The following CCDC6 variants were observed in gnomAD, a reference collection of about 807,000 sequenced individuals.
CCDC6 encodes coiled-coil domain containing 6, also known as coiled-coil domain-containing protein 6.
CCDC6 carries 20 observed loss-of-function variants against 56.6 expected under a neutral mutation model. The ratio of observed to expected loss-of-function variants is 0.35; its 90% CI spans 0.25 to 0.51. The LOEUF (loss-of-function observed/expected upper bound fraction) is 0.51. Among genes scored for constraint, CCDC6 ranks in the 20% least tolerant of loss-of-function variants. The pLI is 0.95. For missense variants in CCDC6, 367 were observed against 601.1 expected (o/e 0.61, Z 4.07); for synonymous variants, 241 against 234.4 (o/e 1.03, Z -0.26).
At chr10:59,866,942 T>C (rs2071182706) in intron 1 of CCDC6, among the ~76,000 whole-genome samples, 1 of 152,194 alleles carries the variant, frequency 6.6e-6, no homozygotes, top group Admixed American at 6.5e-5. Flanking sequence ...TAACTAAATG[T>C]TGGGTGACCA....
intron 1 of CCDC6, among the ~76,000 whole-genome samples, chr10:59,896,583 T>A (rs2071465219): frequency 6.9e-6 from 1 of 145,376 alleles, no homozygotes; most frequent in Non-Finnish European, 1.6e-5. Flanking sequence ...AGAGTAAGTC[T>A]TTCTTTAAAA....
intron 7 of CCDC6, among the ~76,000 whole-genome samples, chr10:59,797,683 T>G (rs1235089589): frequency 7.1e-6 from 1 of 140,528 alleles, no homozygotes; most frequent in East Asian, 2.1e-4. Flanking sequence ...AGTGAGAGTG[T>G]TGTGTGTGTG....
chr10:59,804,054 G>T (rs1483728447), intron 7 of CCDC6, among the ~76,000 whole-genome samples: 1 of 152,118 alleles, frequency 6.6e-6, no homozygotes, highest in African/African-American at 2.4e-5. Flanking sequence ...TATGGTAAAA[G>T]AACCCATAAA....
At chr10:59,878,648 A>C (rs1233658757) in intron 1 of CCDC6, among the ~76,000 whole-genome samples, 2 of 152,220 alleles carry the variant, frequency 1.3e-5, no homozygotes, top group Non-Finnish European at 2.9e-5. Flanking sequence ...GAAAAGATTC[A>C]GGAGTCTAAG....
rs1489701555 is a variant in CCDC6 at position 59,842,279 on chromosome 10, T to A, written c.454-9626A>T. 1.3e-5 allele frequency among the ~76,000 whole-genome samples: 2 copies of A among 151,358 alleles called. 1 individual carries two copies. Among genetic ancestry groups the A allele is most frequent in the South Asian group, 4.2e-4 (2 of 4,770 alleles). ...TCAGGCTAGTCTTGAACTCCTGACC[T>A]CAAATGATCTGCCCATCTCGGCCTC... On this transcript the variant is annotated intron_variant, in intron 2 of 8. Coordinates refer to ENST00000263102, the MANE Select transcript of CCDC6 (RefSeq NM_005436.5).
intron 1 of CCDC6, among the ~76,000 whole-genome samples, chr10:59,888,616 T>C (rs1317836137): frequency 6.6e-6 from 1 of 152,198 alleles, no homozygotes; most frequent in Non-Finnish European, 1.5e-5. Context: ...ATAATACCTT[T>C]GATCACAGAA....
intron 1 of CCDC6, among the ~76,000 whole-genome samples, chr10:59,864,186 C>T (rs2071158216): frequency 1.3e-5 from 2 of 152,294 alleles, no homozygotes; most frequent in Admixed American, 1.3e-4. Context: ...AAGTTCCCCC[C>T]ACCTTTAAGT....
chr10:59,867,567 TTTC>T (rs2071187941), intron 1 of CCDC6, among the ~76,000 whole-genome samples: 2 of 152,186 alleles, frequency 1.3e-5, no homozygotes, highest in South Asian at 2.1e-4. Context: ...CATTTGTTTG[TTTC>T]TGAGACAAGG....
At chr10:59,890,702 T>G (rs570902901) in intron 1 of CCDC6, among the ~76,000 whole-genome samples, 12 of 151,184 alleles carry the variant, frequency 7.9e-5, no homozygotes, top group Admixed American at 3.3e-4. Flanking sequence ...CAGATTTTTG[T>G]TTTTTTTCTT....
At chr10:59,836,447 G>A (rs778178198) in intron 2 of CCDC6, among the ~76,000 whole-genome samples, 30 of 152,220 alleles carry the variant, frequency 2.0e-4, no homozygotes, top group Non-Finnish European at 4.1e-4. Flanking sequence ...TTCTAGGCAC[G>A]ACTTTAAATT....
chr10:59,843,034 T>C (rs2070955370), intron 2 of CCDC6, among the ~76,000 whole-genome samples: 1 of 151,912 alleles, frequency 6.6e-6, no homozygotes, highest in East Asian at 1.9e-4. Context: ...ATTACAAGCG[T>C]GAGCCACCAC....
intron 1 of CCDC6, among the ~76,000 whole-genome samples, chr10:59,898,780 G>A (rs1328804162): frequency 1.3e-5 from 2 of 152,112 alleles, no homozygotes; most frequent in South Asian, 2.1e-4. Context: ...TTTATTACAT[G>A]CCATTTTGTA....
At chr10:59,858,173 G>A (rs1359605556) in intron 1 of CCDC6, among the ~76,000 whole-genome samples, 1 of 152,156 alleles carries the variant, frequency 6.6e-6, no homozygotes, top group Admixed American at 6.5e-5. Context: ...GCCTGCATGT[G>A]CCTTTATTTT....
chr10:59,850,398 C>T (rs2071027684), intron 2 of CCDC6, among the ~76,000 whole-genome samples: 1 of 152,130 alleles, frequency 6.6e-6, no homozygotes, highest in South Asian at 2.1e-4. Context: ...AGCTGGGATG[C>T]ATGACAGATT....
At position 59,791,399 on chromosome 10, in the gene CCDC6, G is replaced by C. The variant is rs987320247; in HGVS notation, c.*1518C>G. 5.1e-6 allele frequency: 1 copy of C among 194,800 alleles called. No individual in the cohort carries two copies. The highest frequency in any genetic ancestry group is 2.3e-5 in the African/African-American group (1 of 43,074). 12.1% of individuals were successfully genotyped at this position (194,800 alleles called of 1,614,324 possible). On this transcript the variant is annotated 3_prime_UTR_variant, in exon 9 of 9. Transcript: ENST00000263102. ...TCTGTTAACTCTTAAATATGCATTC[G>C]AAGGCAAAAATGGAGGTTTCTATAC...
At chr10:59,860,596 T>C (rs1005705591) in intron 1 of CCDC6, among the ~76,000 whole-genome samples, 4 of 152,120 alleles carry the variant, frequency 2.6e-5, no homozygotes, top group Admixed American at 2.0e-4. Flanking sequence ...GGCACTATTT[T>C]AAGTATAAGG....
At chr10:59,878,905 G>A (rs2071307794) in intron 1 of CCDC6, among the ~76,000 whole-genome samples, 3 of 152,144 alleles carry the variant, frequency 2.0e-5, no homozygotes, top group Non-Finnish European at 4.4e-5. Flanking sequence ...AGCCATAAGG[G>A]AAAGGAAAGG....
At position 59,862,548 on chromosome 10, in the gene CCDC6, CACACACACAT is replaced by C. The variant is rs1338106681; in HGVS notation, c.304-9856_304-9847del. Among the ~76,000 whole-genome samples the C allele has an allele frequency of 3.3e-4, 28 of 84,584 alleles. 2 individuals carry two copies. The highest frequency in any genetic ancestry group is 1.4e-3 in the African/African-American group (25 of 17,698). 55.5% of individuals were successfully genotyped at this position (84,584 alleles called of 152,430 possible). On this transcript the variant is annotated intron_variant, in intron 1 of 8. Transcript: ENST00000263102. ...ACACACACACACACACACACACACA[CACACACACAT>C]ATATATACACATACACACACACACA...
chr10:59,847,201 T>C (rs1285161323), intron 2 of CCDC6, among the ~76,000 whole-genome samples: 2 of 152,068 alleles, frequency 1.3e-5, no homozygotes, highest in Non-Finnish European at 2.9e-5. Context: ...TACAGGTGCC[T>C]GCCACCACGC....
Sources: allele counts gnomAD v4.1 joint callset (sites outside exome capture counted in the v4.1 genomes callset), GRCh38; gene constraint gnomAD v4.1.1; transcripts MANE v1.5; gene names NCBI Gene and HGNC (gene_info 2026-07-23, HGNC 2026-07-21).